The following AGBL4 variants were observed in gnomAD, a reference collection of about 807,000 sequenced individuals.
AGBL4 encodes the protein AGBL carboxypeptidase 4.
Under a neutral mutation model 66.4 loss-of-function variants are expected in AGBL4, and 58 were observed. The ratio of observed to expected loss-of-function variants is 0.87; its 90% confidence interval spans 0.71 to 1.09. The LOEUF is 1.09. AGBL4 is among the 50% of genes least tolerant of loss of function. The pLI is 0.00. For missense variants in AGBL4, 579 were observed against 631.0 expected (o/e 0.92, Z 0.88); for synonymous variants, 234 against 222.9 (o/e 1.05, Z -0.44).
chr1:49,381,618 T>A (rs1240903506), intron 3 of AGBL4, among the ~76,000 whole-genome samples: 1 of 152,084 alleles, frequency 6.6e-6, no homozygotes, highest in Non-Finnish European at 1.5e-5. Context: ...AGTATTAGAC[T>A]GGATTAAGAA....
At chr1:48,869,332 C>T (rs1213263863) in intron 5 of AGBL4, among the ~76,000 whole-genome samples, 5 of 152,138 alleles carry the variant, frequency 3.3e-5, no homozygotes, top group South Asian at 2.1e-4. Flanking sequence ...TTCCCTAACA[C>T]GGAACCAGGC....
intron 3 of AGBL4, among the ~76,000 whole-genome samples, chr1:49,294,185 A>G (rs1313812148): frequency 6.6e-6 from 1 of 152,160 alleles, no homozygotes; most frequent in Non-Finnish European, 1.5e-5. Flanking sequence ...TCCTTCACAT[A>G]TAAAATTGAT....
At chr1:49,758,510 C>T (rs1338113359) in intron 2 of AGBL4, among the ~76,000 whole-genome samples, 1 of 152,056 alleles carries the variant, frequency 6.6e-6, no homozygotes, top group Non-Finnish European at 1.5e-5. Flanking sequence ...TCATGGGAGG[C>T]CACCTCTTGC....
At position 49,021,425 on chromosome 1, in the gene AGBL4, G is replaced by A. The variant is rs139954740; in HGVS notation, c.594+24159C>T. On this transcript the variant is annotated intron_variant, in intron 5 of 13. Transcript: ENST00000371839. ...ATCCCCAATGTATTGTTATTTGGAG[G>A]TAGAGTCTTTGGGAGGTAATGAAAT... Among the ~76,000 whole-genome samples the A allele has an allele frequency of 1.2e-3, 190 of 152,202 alleles. 1 individual carries two copies. The highest frequency in any genetic ancestry group is 4.1e-3 in the African/African-American group (169 of 41,526).
At chr1:48,845,170 C>A (rs1308682395) in intron 6 of AGBL4, among the ~76,000 whole-genome samples, 2 of 151,266 alleles carry the variant, frequency 1.3e-5, no homozygotes, top group Non-Finnish European at 2.9e-5. Context: ...CTATGTTGAT[C>A]AAAAAATTAG....
intron 1 of AGBL4, among the ~76,000 whole-genome samples, chr1:49,948,158 G>A (rs1336421817): frequency 1.7e-4 from 15 of 88,510 alleles, no homozygotes; most frequent in Admixed American, 3.4e-4. Context: ...ATAAATATAC[G>A]TAAATATATA....
At chr1:48,946,095 T>C (rs376724158) in intron 5 of AGBL4, among the ~76,000 whole-genome samples, 10 of 152,332 alleles carry the variant, frequency 6.6e-5, no homozygotes, top group Non-Finnish European at 2.9e-5. Context: ...GAGCCTTCCA[T>C]GTTTAGCTCA....
intron 1 of AGBL4, among the ~76,000 whole-genome samples, chr1:49,927,636 A>G: frequency 6.6e-6 from 1 of 152,072 alleles, no homozygotes; most frequent in East Asian, 1.9e-4. Flanking sequence ...GAAAGAGCCA[A>G]ACCGTATCAC....
intron 9 of AGBL4, among the ~76,000 whole-genome samples, chr1:48,623,588 G>T (rs1276314977): frequency 1.3e-5 from 2 of 152,258 alleles, no homozygotes; most frequent in Admixed American, 6.5e-5. Flanking sequence ...TTTCTGAAGT[G>T]CAATATGCTA....
At chr1:49,443,265 T>C (rs914062029) in intron 3 of AGBL4, among the ~76,000 whole-genome samples, 1 of 152,146 alleles carries the variant, frequency 6.6e-6, no homozygotes, top group Non-Finnish European at 1.5e-5. Context: ...AGAAGCTTTT[T>C]AATATAATTA....
intron 4 of AGBL4, among the ~76,000 whole-genome samples, chr1:49,046,636 C>T (rs1644087608): frequency 6.6e-6 from 1 of 152,142 alleles, no homozygotes; most frequent in South Asian, 2.1e-4. Context: ...CACAATGTTT[C>T]CCTGCAGTGA....
At chr1:49,811,881 G>A (rs533957519) in intron 2 of AGBL4, among the ~76,000 whole-genome samples, 4 of 152,256 alleles carry the variant, frequency 2.6e-5, no homozygotes, top group East Asian at 1.9e-4. Flanking sequence ...CAGAGTTAGC[G>A]AAAGACAAAG....
rs112150165 is a variant in AGBL4 at position 49,915,547 on chromosome 1, G to A, written c.35-64029C>T. On this transcript the variant is annotated intron_variant, in intron 1 of 13. Coordinates refer to ENST00000371839, the MANE Select transcript of AGBL4 (RefSeq NM_032785.4). ...CAGTGAGGCTGGGGAAGGGGCACCC[G>A]CCATTGCTGAGGCTTGAGTAGGTAA... is the stretch of plus-strand genomic sequence containing the variant. Among the ~76,000 whole-genome samples, 675 of 152,308 alleles carry A rather than the reference G, an allele frequency of 4.4e-3. 9 individuals carry two copies. Among genetic ancestry groups the A allele is most frequent in the African/African-American group, 0.015 (629 of 41,562 alleles).
chr1:49,655,362 C>T (rs989892800), intron 3 of AGBL4, among the ~76,000 whole-genome samples: 1 of 152,106 alleles, frequency 6.6e-6, no homozygotes, highest in East Asian at 1.9e-4. Context: ...CTCTGGCTGC[C>T]CTTAACATTT....
chr1:48,975,331 A>C (rs1659231282), intron 5 of AGBL4, among the ~76,000 whole-genome samples: 1 of 152,094 alleles, frequency 6.6e-6, no homozygotes. Context: ...ACAGAAAGAG[A>C]AGACTGTGCA....
At chr1:48,841,916 T>C (rs189945156) in intron 6 of AGBL4, among the ~76,000 whole-genome samples, 1 of 152,330 alleles carries the variant, frequency 6.6e-6, no homozygotes, top group Non-Finnish European at 1.5e-5. Context: ...TAATTGCTTT[T>C]GGGCACATGC....
chr1:48,595,797 T>C (rs923764248), intron 9 of AGBL4, among the ~76,000 whole-genome samples: 1 of 152,202 alleles, frequency 6.6e-6, no homozygotes, highest in Non-Finnish European at 1.5e-5. Flanking sequence ...TCATCTCACT[T>C]GGCACAGGCC....
intron 4 of AGBL4, among the ~76,000 whole-genome samples, chr1:49,133,878 G>T (rs1250345154): frequency 1.3e-5 from 2 of 151,956 alleles, no homozygotes; most frequent in South Asian, 4.1e-4. Context: ...GTATGTATAT[G>T]ATGTGCATCT....
intron 5 of AGBL4, among the ~76,000 whole-genome samples, chr1:48,922,476 T>A (rs1654163720): frequency 6.6e-6 from 1 of 152,130 alleles, no homozygotes; most frequent in African/African-American, 2.4e-5. Context: ...AGAACACCCC[T>A]CTACTTCTCC....
Sources: allele counts gnomAD v4.1 joint callset (sites outside exome capture counted in the v4.1 genomes callset), GRCh38; gene constraint gnomAD v4.1.1; transcripts MANE v1.5; gene names NCBI Gene and HGNC (gene_info 2026-07-23, HGNC 2026-07-21).